Variants in GALNTL6 observed in about 807,000 individuals in gnomAD.
GALNTL6 encodes polypeptide N-acetylgalactosaminyltransferase like 6, also known as polypeptide N-acetylgalactosaminyltransferase-like 6.
A neutral mutation model predicts 73.7 loss-of-function variants in GALNTL6; 46 were observed. That is an observed-to-expected ratio of 0.62 (90% CI 0.49 to 0.80). GALNTL6 has a LOEUF of 0.80. Ranked by LOEUF, GALNTL6 falls within the 30% of genes least tolerant of loss-of-function variation. GALNTL6 has a pLI of 0.00. For synonymous variants in GALNTL6, 259 were observed against 263.7 expected (o/e 0.98, Z 0.17); for missense variants, 604 against 755.0 (o/e 0.80, Z 2.34).
At chr4:171,981,227 A>G (rs1327331447) in intron 2 of GALNTL6, among the ~76,000 whole-genome samples, 1 of 152,240 alleles carries the variant, frequency 6.6e-6, no homozygotes, top group Non-Finnish European at 1.5e-5. Context: ...TGGATTCCAG[A>G]TAGATAAGCA....
At chr4:171,974,739 T>G (rs1739669672) in intron 2 of GALNTL6, among the ~76,000 whole-genome samples, 1 of 127,928 alleles carries the variant, frequency 7.8e-6, no homozygotes, top group Non-Finnish European at 1.7e-5. Context: ...ATAAAATATT[T>G]TCTTTGTGAG....
intron 7 of GALNTL6, among the ~76,000 whole-genome samples, chr4:172,850,964 C>G (rs1227616807): frequency 1.3e-5 from 2 of 152,122 alleles, no homozygotes; most frequent in African/African-American, 4.8e-5. Context: ...TTCAGTGATT[C>G]AGAAACTCTC....
At chr4:173,022,189 G>GAGGAAGGGAGGGAGGGAGGA (rs1554012076) in intron 12 of GALNTL6, among the ~76,000 whole-genome samples, 1 of 134,258 alleles carries the variant, frequency 7.4e-6, no homozygotes, top group East Asian at 2.4e-4. Flanking sequence ...GGGAGGGAGG[G>GAGGAAGGGAGGGAGGGAGGA]AGGAAGGAAG....
intron 2 of GALNTL6, among the ~76,000 whole-genome samples, chr4:171,894,752 AT>A: frequency 6.6e-6 from 1 of 152,150 alleles, no homozygotes; most frequent in Non-Finnish European, 1.5e-5. Flanking sequence ...CTTCAAGTGC[AT>A]TTTTGAAGGG....
intron 5 of GALNTL6, among the ~76,000 whole-genome samples, chr4:172,525,927 C>T (rs957800670): frequency 2.0e-5 from 3 of 152,120 alleles, no homozygotes; most frequent in Non-Finnish European, 4.4e-5. Flanking sequence ...ACCATGCCAC[C>T]TATGAATAAT....
At position 172,456,756 on chromosome 4, in the gene GALNTL6, G is replaced by A. The variant is rs542465467; in HGVS notation, c.553+108067G>A. On this transcript the variant is annotated intron_variant, in intron 5 of 12. Transcript: ENST00000506823. ...GTACCTGAAAGTGACGGGGAGAATG[G>A]AACCAAGTTGGAAAACACTCTTCAG... 2.0e-5 allele frequency among the ~76,000 whole-genome samples: 3 copies of A among 152,198 alleles called. No individual in the cohort carries two copies. The South Asian group carries it at 6.2e-4, about 32-fold the overall frequency.
At chr4:171,821,580 T>C (rs1734685373) in intron 2 of GALNTL6, among the ~76,000 whole-genome samples, 1 of 151,762 alleles carries the variant, frequency 6.6e-6, no homozygotes, top group Non-Finnish European at 1.5e-5. Flanking sequence ...ACCTTTTTTG[T>C]AGTGTTATAA....
At chr4:172,438,923 A>G (rs1197382894) in intron 5 of GALNTL6, among the ~76,000 whole-genome samples, 1 of 152,050 alleles carries the variant, frequency 6.6e-6, no homozygotes, top group African/African-American at 2.4e-5. Flanking sequence ...CCTTACCTAC[A>G]TCTGCATTCA....
rs150565607 is a variant in GALNTL6, at chr4:172,352,123, A to G, written c.553+3434A>G. Reference sequence around the variant, plus strand: ...TTCTGTAATAGTGGGTTTCATATCAATAAAGTAAAATACTAAAATATTAGA... The same window carrying G: ...TTCTGTAATAGTGGGTTTCATATCAGTAAAGTAAAATACTAAAATATTAGA... On this transcript the variant is annotated intron_variant, in intron 5 of 12. Coordinates refer to ENST00000506823, the MANE Select transcript of GALNTL6 (RefSeq NM_001034845.3). Among the ~76,000 whole-genome samples, 83 of 152,338 alleles carry G rather than the reference A, an allele frequency of 5.4e-4. No individual in the cohort carries two copies. The East Asian group carries it at 0.015, about 28-fold the overall frequency.
chr4:171,965,126 C>T (rs1199170161), intron 2 of GALNTL6, among the ~76,000 whole-genome samples: 3 of 152,138 alleles, frequency 2.0e-5, no homozygotes, highest in East Asian at 3.9e-4. Flanking sequence ...AAAGGGCTTC[C>T]GTTTTACTTT....
At chr4:172,189,084 C>T (rs1032601920) in intron 2 of GALNTL6, among the ~76,000 whole-genome samples, 1 of 152,008 alleles carries the variant, frequency 6.6e-6, no homozygotes, top group Non-Finnish European at 1.5e-5. Context: ...AGGGTTTCCT[C>T]ATTTAAAAAT....
intron 11 of GALNTL6, among the ~76,000 whole-genome samples, chr4:173,019,061 G>A (rs1279382524): frequency 2.0e-5 from 3 of 152,168 alleles, no homozygotes; most frequent in Admixed American, 6.6e-5. Flanking sequence ...ACAAATTCCA[G>A]AAATGTTTAT....
At chr4:172,445,540 A>G (rs1043710623) in intron 5 of GALNTL6, among the ~76,000 whole-genome samples, 2 of 152,184 alleles carry the variant, frequency 1.3e-5, no homozygotes, top group African/African-American at 4.8e-5. Flanking sequence ...CTGTCTTTGT[A>G]GAGACAAAAT....
At chr4:172,939,947 T>C (rs574502824) in intron 9 of GALNTL6, among the ~76,000 whole-genome samples, 132 of 152,306 alleles carry the variant, frequency 8.7e-4, no homozygotes, top group African/African-American at 3.1e-3. Flanking sequence ...TTTTAAACTA[T>C]ATATTTTGTT....
chr4:172,091,823 C>G (rs1272817896), intron 2 of GALNTL6, among the ~76,000 whole-genome samples: 1 of 152,070 alleles, frequency 6.6e-6, no homozygotes, highest in African/African-American at 2.4e-5. Flanking sequence ...CTATAGATAG[C>G]TGAAGAGAGA....
chr4:172,609,641 G>C (rs895293568), intron 5 of GALNTL6, among the ~76,000 whole-genome samples: 15 of 149,924 alleles, frequency 1.0e-4, no homozygotes, highest in African/African-American at 3.7e-4. Context: ...GTGTGTGTGT[G>C]TGTGTGTGTG....
intron 2 of GALNTL6, among the ~76,000 whole-genome samples, chr4:171,995,653 G>A (rs186546426): frequency 1.3e-5 from 2 of 151,950 alleles, no homozygotes; most frequent in Non-Finnish European, 2.9e-5. Flanking sequence ...AAACATTAGA[G>A]CAGTTTCCTT....
intron 10 of GALNTL6, among the ~76,000 whole-genome samples, chr4:172,959,065 G>A (rs976181267): frequency 5.9e-5 from 9 of 152,158 alleles, no homozygotes; most frequent in Admixed American, 2.6e-4. Context: ...TGTAGCAGGC[G>A]AGTGATAACA....
intron 5 of GALNTL6, among the ~76,000 whole-genome samples, chr4:172,387,309 CTTT>C (rs1743509040): frequency 6.6e-6 from 1 of 152,138 alleles, no homozygotes; most frequent in African/African-American, 2.4e-5. Flanking sequence ...CCTAAGGTTT[CTTT>C]CTTTGGTATT....
Sources: gnomAD v4.1 joint callset for allele counts (sites outside exome capture counted in the v4.1 genomes callset) on GRCh38, gnomAD v4.1.1 for gene constraint, MANE v1.5 for transcripts, NCBI Gene and HGNC (gene_info 2026-07-23, HGNC 2026-07-21) for gene names.